The following RERE variants were observed in gnomAD, a reference collection of about 807,000 sequenced individuals.
RERE encodes the protein arginine-glutamic acid dipeptide repeats protein.
Under a neutral mutation model 146.1 loss-of-function variants are expected in RERE, and 40 were observed. That is an observed-to-expected ratio of 0.27 (90% CI 0.21 to 0.36). The LOEUF (loss-of-function observed/expected upper bound fraction) is 0.36, where lower values mean the gene tolerates loss of function less well. RERE is among the 10% of genes least tolerant of loss of function. The pLI is 1.00. For synonymous variants in RERE, 1,003 were observed against 866.0 expected, an observed-to-expected ratio of 1.16 and a Z score of -2.78; for missense variants, 1,933 against 2,138.7, an observed-to-expected ratio of 0.90 and a Z score of 1.90.
chr1:8,412,570 CA>C (rs1483969738), intron 12 of RERE, among the ~76,000 whole-genome samples: 1 of 152,206 alleles, frequency 6.6e-6, no homozygotes, highest in Non-Finnish European at 1.5e-5. Context: ...AGCCAAGTTG[CA>C]ATTGGCTAAT....
chr1:8,514,882 C>A (rs1424547110), intron 7 of RERE, among the ~76,000 whole-genome samples: 1 of 152,218 alleles, frequency 6.6e-6, no homozygotes, highest in Non-Finnish European at 1.5e-5. Context: ...GGCTAAAATT[C>A]ATCTAGAAGA....
At chr1:8,666,823 C>T (rs1638586239) in intron 1 of RERE, among the ~76,000 whole-genome samples, 1 of 152,210 alleles carries the variant, frequency 6.6e-6, no homozygotes, top group African/African-American at 2.4e-5. Context: ...AGTTCTTCCA[C>T]CTGACCCAAA....
rs372853432 is a variant in RERE at position 8,655,958 on chromosome 1, C to G, written c.325+15G>C. 73 of 1,608,926 alleles carry G rather than the reference C, an allele frequency of 4.5e-5. No homozygotes were observed. The highest frequency in any genetic ancestry group is 1.4e-4 in the Admixed American group (8 of 59,256). ...ACTGTAAACATTGGCAAGACCCAAA[C>G]GTAAGGCTCCTTACCTCCTGGTCTG... is the stretch of plus-strand genomic sequence containing the variant. On this transcript the variant is annotated intron_variant, in intron 2 of 22. Transcript: ENST00000400908.
intron 4 of RERE, among the ~76,000 whole-genome samples, chr1:8,599,016 A>C (rs1646588633): frequency 6.6e-6 from 1 of 152,164 alleles, no homozygotes; most frequent in Non-Finnish European, 1.5e-5. Flanking sequence ...TCCAACTGAC[A>C]AGCCCAGTAA....
chr1:8,684,624 G>GT lies in RERE; in HGVS notation c.-144-28184dup, dbSNP rs1199360655. 2.0e-5 allele frequency among the ~76,000 whole-genome samples: 3 copies of GT among 152,204 alleles called. No homozygotes were observed. In the East Asian group the frequency reaches 5.8e-4, roughly 29 times the overall value. ...AAGTTCAAAAGTATTTGGTGAAATA[G>GT]TAAGTATAGCTCCTACAAAGGATAA... On this transcript the variant is annotated intron_variant, in intron 1 of 22. Transcript: ENST00000400908.
At chr1:8,775,024 G>A (rs1163837999) in intron 1 of RERE, among the ~76,000 whole-genome samples, 8 of 129,510 alleles carry the variant, frequency 6.2e-5, no homozygotes, top group Admixed American at 9.6e-5. Context: ...GCAGTGGTGC[G>A]ATCTCAACTC....
intron 1 of RERE, among the ~76,000 whole-genome samples, chr1:8,720,464 A>C (rs554360335): frequency 2.0e-5 from 3 of 152,254 alleles, no homozygotes; most frequent in African/African-American, 4.8e-5. Context: ...AGAAGGATTA[A>C]ACATATGCAG....
intron 4 of RERE, among the ~76,000 whole-genome samples, chr1:8,599,601 C>T (rs1163319233): frequency 1.3e-5 from 2 of 152,182 alleles, no homozygotes; most frequent in African/African-American, 4.8e-5. Flanking sequence ...AAGGGATTCA[C>T]CGGCTACTGA....
intron 4 of RERE, among the ~76,000 whole-genome samples, chr1:8,578,096 GA>G (rs922651767): frequency 3.4e-4 from 49 of 144,092 alleles, no homozygotes; most frequent in Non-Finnish European, 6.1e-4. Flanking sequence ...ATCCGGGAAA[GA>G]AAAAAAAAAG....
chr1:8,360,750 T>A lies in RERE; in HGVS notation c.2757A>T (p.Pro919=). 3.1e-6 allele frequency: 5 copies of A among 1,599,120 alleles called. No individual in the cohort carries two copies. The change falls in exon 18 of 23, where the codon CCA becomes CCT. Residue 919 remains proline, a synonymous_variant. Transcript: ENST00000400908. ...TGTGGGGCATGGCCAAGGGCGCTGG[T>A]GGCAGGGGCTGCTCCCGTGGAGGCT... ...SQQPPREQPL[P]PAPLAMPHIK...
At chr1:8,553,668 A>G (rs528089280) in intron 6 of RERE, among the ~76,000 whole-genome samples, 1 of 151,844 alleles carries the variant, frequency 6.6e-6, no homozygotes, top group Non-Finnish European at 1.5e-5. Context: ...ACCACAGGAG[A>G]AAAAAAAACT....
intron 10 of RERE, among the ~76,000 whole-genome samples, chr1:8,486,035 T>C (rs1298744231): frequency 6.6e-6 from 1 of 152,160 alleles, no homozygotes; most frequent in African/African-American, 2.4e-5. Context: ...CTTGACCTTG[T>C]GACCCGCCCA....
chr1:8,450,536 G>A (rs1017390709), intron 11 of RERE, among the ~76,000 whole-genome samples: 3 of 152,008 alleles, frequency 2.0e-5, no homozygotes, highest in African/African-American at 4.8e-5. Context: ...CCCAACTGAT[G>A]CCTCGCACGA....
chr1:8,669,699 C>A (rs1638670788), intron 1 of RERE, among the ~76,000 whole-genome samples: 1 of 152,120 alleles, frequency 6.6e-6, no homozygotes. Flanking sequence ...CCACGGTAAT[C>A]TTTAATATAC....
chr1:8,748,815 T>C (rs985662306), intron 1 of RERE, among the ~76,000 whole-genome samples: 1 of 152,228 alleles, frequency 6.6e-6, no homozygotes. Flanking sequence ...ATTACTCTTT[T>C]CTTATCCAAT....
At chr1:8,634,276 C>T (rs1247402802) in intron 2 of RERE, among the ~76,000 whole-genome samples, 1 of 152,228 alleles carries the variant, frequency 6.6e-6, no homozygotes, top group Non-Finnish European at 1.5e-5. Context: ...TATCTGCCCA[C>T]TCAATGCCTA....
chr1:8,668,855 G>A (rs1038274750), intron 1 of RERE, among the ~76,000 whole-genome samples: 4 of 152,008 alleles, frequency 2.6e-5, no homozygotes, highest in Non-Finnish European at 5.9e-5. Context: ...TGGGAATGAT[G>A]AAAATGCCCT....
At chr1:8,355,190 A>T in intron 22 of RERE, 70 bp from the exon 23 acceptor site, 2 of 1,513,646 alleles carry the variant, frequency 1.3e-6, no homozygotes, top group Non-Finnish European at 1.8e-6. Flanking sequence ...GCTGGAGGCA[A>T]CCCCAAAGAC....
chr1:8,521,878 T>A (rs747197160), intron 7 of RERE, among the ~76,000 whole-genome samples: 3 of 152,160 alleles, frequency 2.0e-5, no homozygotes, highest in African/African-American at 7.2e-5. Context: ...ACCGTAAGAA[T>A]AGACTTGGCC....
Sources: gnomAD v4.1 joint callset for allele counts (sites outside exome capture counted in the v4.1 genomes callset) on GRCh38, gnomAD v4.1.1 for gene constraint, MANE v1.5 for transcripts, NCBI Gene and HGNC (gene_info 2026-07-23, HGNC 2026-07-21) for gene names.